Variants in ECE1 observed in about 807,000 individuals in gnomAD.
ECE1 encodes the protein endothelin-converting enzyme 1.
Under a neutral mutation model 98.6 loss-of-function variants are expected in ECE1, and 35 were observed. The observed-to-expected ratio is 0.35, with a 90% CI of 0.27 to 0.47. The LOEUF is 0.47. Among genes scored for constraint, ECE1 ranks in the 20% least tolerant of loss-of-function variants. The probability of loss-of-function intolerance (pLI) is 1.00; values close to 1 mark genes in which losing one functional copy is unlikely to be tolerated. For missense variants in ECE1, 814 were observed against 1,025.3 expected (o/e 0.79, Z 2.81); for synonymous variants, 394 against 407.1 (o/e 0.97, Z 0.39).
At chr1:21,288,502 G>A (rs1254807718) in intron 2 of ECE1, among the ~76,000 whole-genome samples, 1 of 152,186 alleles carries the variant, frequency 6.6e-6, no homozygotes, top group Admixed American at 6.5e-5. Flanking sequence ...TTGGCCGGGG[G>A]CCCTCCCCAG....
chr1:21,238,430 C>T (rs1291483676), intron 10 of ECE1, 186 bp from the exon 11 acceptor site: 7 of 641,256 alleles, frequency 1.1e-5, no homozygotes, highest in Non-Finnish European at 2.0e-5. Flanking sequence ...CTCCCACCCC[C>T]TGCCATTTCC....
At chr1:21,268,483 A>C (rs2098236650) in intron 4 of ECE1, among the ~76,000 whole-genome samples, 1 of 152,224 alleles carries the variant, frequency 6.6e-6, no homozygotes, top group Non-Finnish European at 1.5e-5. Context: ...CACCTGCTAC[A>C]GAACTGCCTG....
chr1:21,225,720 C>T lies in ECE1; in HGVS notation c.1850-280G>A, dbSNP rs2098173346. On this transcript the variant is annotated intron_variant, in intron 16 of 18. Transcript: ENST00000374893. The surrounding 1 kb of genome is among the most constrained non-coding windows in gnomAD (Gnocchi z 5.3). ...CTTTTTTTTTTTTTTTTGAGACAGT[C>T]TCACTCTGCCACTCAGGCTGGAGTG... Among the ~76,000 whole-genome samples the T allele has an allele frequency of 6.9e-6, 1 of 144,572 alleles. No homozygotes were observed. The highest frequency in any genetic ancestry group is 1.5e-5 in the Non-Finnish European group (1 of 66,526). The allele number at this position is 144,572 out of a possible 152,430, so 94.8% of individuals were successfully genotyped here.
chr1:21,310,693 T>C (rs1470288824), intron 1 of ECE1, among the ~76,000 whole-genome samples: 1 of 152,122 alleles, frequency 6.6e-6, no homozygotes, highest in African/African-American at 2.4e-5. Context: ...TACTTGGGTA[T>C]GGGTGACTGT....
intron 8 of ECE1, among the ~76,000 whole-genome samples, chr1:21,255,448 G>C (rs2103282021): frequency 6.6e-6 from 1 of 152,362 alleles, no homozygotes; most frequent in Admixed American, 6.5e-5. Flanking sequence ...GGGTGACAGA[G>C]AGCATCACAG....
At chr1:21,335,511 A>C (rs1288259596) in intron 1 of ECE1, among the ~76,000 whole-genome samples, 1 of 152,158 alleles carries the variant, frequency 6.6e-6, no homozygotes. Context: ...TGAGCCGCCC[A>C]AAGTCCCAGA....
intron 1 of ECE1, among the ~76,000 whole-genome samples, chr1:21,334,979 T>G (rs1369255951): frequency 6.6e-6 from 1 of 152,140 alleles, no homozygotes; most frequent in Non-Finnish European, 1.5e-5. Context: ...GGTCCTCCAG[T>G]GGCTTCCCAC....
In ECE1 at chr1:21,225,068, T is replaced by G. The variant is rs1573928441; in HGVS notation, c.2040+182A>C. Among the ~76,000 whole-genome samples, 1 of 152,184 alleles carries G rather than the reference T, an allele frequency of 6.6e-6. No individual in the cohort carries two copies. Among genetic ancestry groups the G allele is most frequent in the African/African-American group, 2.4e-5 (1 of 41,452 alleles). The stretch of plus-strand genomic sequence containing the variant: ...AGCCTTCTGGTGCCAAGCCCTGTGG[T>G]GGGGGAGCCTCCACGGTCGGCATCG... On this transcript the variant is annotated intron_variant, in intron 17 of 18. Coordinates refer to ENST00000374893, the MANE Select transcript of ECE1 (RefSeq NM_001397.3). The surrounding 1 kb of genome is among the most constrained non-coding windows in gnomAD (Gnocchi z 5.3).
chr1:21,295,979 C>T (rs562081284), intron 1 of ECE1, among the ~76,000 whole-genome samples: 4 of 152,236 alleles, frequency 2.6e-5, no homozygotes, highest in Admixed American at 1.3e-4. Context: ...CCCAAGCCTG[C>T]GTGAACCACA....
chr1:21,277,055 G>GGCCAGC (rs1342796436), intron 3 of ECE1, among the ~76,000 whole-genome samples: 1 of 152,108 alleles, frequency 6.6e-6, no homozygotes, highest in Non-Finnish European at 1.5e-5. Flanking sequence ...GCTCAGATGT[G>GGCCAGC]GCCAGCACCA....
At chr1:21,259,637 T>C (rs212530) in intron 5 of ECE1, among the ~76,000 whole-genome samples, 15,917 of 152,136 alleles carry the variant, frequency 0.1, 956 homozygotes, top group South Asian at 0.18. Context: ...CCACCAACCC[T>C]GCTGCAATGC....
chr1:21,326,070 C>T lies in ECE1; in HGVS notation c.3+19306G>A, dbSNP rs116447718. Among the ~76,000 whole-genome samples, 1,325 of 152,140 alleles carry T rather than the reference C, an allele frequency of 8.7e-3. 22 individuals are homozygous for T. Among genetic ancestry groups the T allele is most frequent in the African/African-American group, 0.03 (1,242 of 41,496 alleles). On this transcript the variant is annotated intron_variant, in intron 1 of 18. Coordinates refer to the ECE1 transcript ENST00000415912. Reference sequence around the variant, plus strand: ...ACCTGGACCCAGTGGGGTGTGGGGACCAGGGGGCTGGGCCTGGACCTATGA... The same window carrying T: ...ACCTGGACCCAGTGGGGTGTGGGGATCAGGGGGCTGGGCCTGGACCTATGA...
chr1:21,267,886 T>C (rs769973302), intron 4 of ECE1, among the ~76,000 whole-genome samples: 4 of 152,232 alleles, frequency 2.6e-5, no homozygotes, highest in Non-Finnish European at 2.9e-5. Context: ...ACATGATTAA[T>C]TGCCACATCA....
At chr1:21,240,803 G>C (rs986822434) in intron 10 of ECE1, among the ~76,000 whole-genome samples, 3 of 152,230 alleles carry the variant, frequency 2.0e-5, no homozygotes, top group South Asian at 4.1e-4. Flanking sequence ...TTGAAGCTCC[G>C]TGGAGGCTCC....
intron 1 of ECE1, among the ~76,000 whole-genome samples, chr1:21,312,125 A>C (rs1638738889): frequency 9.4e-6 from 1 of 106,520 alleles, no homozygotes. Flanking sequence ...TCTGTCTCAA[A>C]AAAAAAAAAA....
At chr1:21,236,624 G>T in intron 12 of ECE1, 122 bp downstream of exon 12, 1 of 961,810 alleles carries the variant, frequency 1.0e-6, no homozygotes, top group Non-Finnish European at 1.6e-6. Flanking sequence ...ACTCCAGCCT[G>T]GGTAACAAGA....
chr1:21,241,453 T>C (rs1476127128), intron 10 of ECE1, among the ~76,000 whole-genome samples: 2 of 150,328 alleles, frequency 1.3e-5, no homozygotes, highest in Non-Finnish European at 3.0e-5. Flanking sequence ...GATGCAGTCT[T>C]GCTCCGTCTA....
Position 21,290,313 on chromosome 1 carries a change from A to G in ECE1, c.51+51T>C. ...GGCCCACGGAGCGGCCCGCGCGGGG[A>G]GGGGTCCCGCCCGCCTCCCGCCCCC... On this transcript the variant is annotated intron_variant, in intron 1 of 18. Coordinates refer to ENST00000374893, the MANE Select transcript of ECE1 (RefSeq NM_001397.3). This position sits in a 1 kb window ranked among gnomAD's most constrained non-coding sequence, Gnocchi z 7.3. 1 of 1,233,842 alleles carries G rather than the reference A, an allele frequency of 8.1e-7. No individual in the cohort carries two copies. Among genetic ancestry groups the G allele is most frequent in the Non-Finnish European group, 1.0e-6 (1 of 991,766 alleles). The allele number at this position is 1,233,842 out of a possible 1,614,324, so 76.4% of individuals were successfully genotyped here.
chr1:21,331,016 C>G (rs140900620), intron 1 of ECE1, among the ~76,000 whole-genome samples: 105 of 152,276 alleles, frequency 6.9e-4, no homozygotes, highest in African/African-American at 2.4e-3. Context: ...GTGGTTCACG[C>G]CTGTCATCCC....
Sources: allele counts gnomAD v4.1 joint callset (sites outside exome capture counted in the v4.1 genomes callset), GRCh38; gene constraint gnomAD v4.1.1; non-coding constraint Gnocchi (gnomAD v3.1); transcripts MANE v1.5; gene names NCBI Gene and HGNC (gene_info 2026-07-23, HGNC 2026-07-21).